Variants in CDH20 observed in about 807,000 individuals in gnomAD.
CDH20 encodes cadherin 20.
A neutral mutation model predicts 74.2 loss-of-function variants in CDH20; 29 were observed. The ratio of observed to expected loss-of-function variants is 0.39; its 90% CI spans 0.29 to 0.53. The LOEUF (loss-of-function observed/expected upper bound fraction) is 0.53. CDH20 is among the 20% of genes least tolerant of loss of function. The pLI is 0.69. For missense variants in CDH20, 988 were observed against 1,048.3 expected (o/e 0.94, Z 0.79); for synonymous variants, 469 against 405.4 (o/e 1.16, Z -1.88).
intron 11 of CDH20, among the ~76,000 whole-genome samples, chr18:61,550,985 G>C (rs975985650): frequency 2.0e-5 from 3 of 152,176 alleles, no homozygotes; most frequent in Non-Finnish European, 4.4e-5. Context: ...CATCTAACCA[G>C]GAACAGTGAC....
In CDH20 at chr18:61,499,441, G is replaced by T. The variant is rs780788767; in HGVS notation, c.502G>T (p.Gly168Ter). Reference sequence around the variant, plus strand: ...TGACAATGAGCCCAAGTTCCTGGACGGACCTTATGTGGCCACTGTGCCAGA... The same window carrying T: ...TGACAATGAGCCCAAGTTCCTGGACTGACCTTATGTGGCCACTGTGCCAGA... ...INDNEPKFLD[G>*]PYVATVPEMS... The change falls in exon 3 of 12, where the codon GGA becomes TGA. Residue 168 changes from glycine (G) to a stop codon, truncating the protein, a stop_gained. Transcript: ENST00000262717. LOFTEE classifies it high-confidence loss of function. 6.2e-7 allele frequency: 1 copy of T among 1,611,632 alleles called. No individual in the cohort carries two copies. Among genetic ancestry groups the T allele is most frequent in the Non-Finnish European group, 8.5e-7 (1 of 1,178,648 alleles).
chr18:61,396,781 G>A (rs1411278463), intron 1 of CDH20, among the ~76,000 whole-genome samples: 1 of 152,232 alleles, frequency 6.6e-6, no homozygotes, highest in Admixed American at 6.5e-5. Context: ...AGAGGTAGCA[G>A]GCAGTTAATC....
rs566527254 is a variant in CDH20 at position 61,419,311 on chromosome 18, A to G, written c.-152-71091A>G. 2.6e-5 allele frequency among the ~76,000 whole-genome samples: 4 copies of G among 152,232 alleles called. No individual in the cohort carries two copies. The East Asian group carries it at 7.7e-4, about 29-fold the overall frequency. On this transcript the variant is annotated intron_variant, in intron 1 of 11. Transcript: ENST00000262717. Reference sequence around the variant, plus strand: ...TAAACTCTTGGCCTCAAGCAATCCTACTGCCTCAGCCTCTCAAAGTGCTAG... The same window carrying G: ...TAAACTCTTGGCCTCAAGCAATCCTGCTGCCTCAGCCTCTCAAAGTGCTAG...
At chr18:61,507,646 T>C in intron 6 of CDH20, 86 bp downstream of exon 6, 1 of 904,338 alleles carries the variant, frequency 1.1e-6, no homozygotes, top group Non-Finnish European at 1.6e-6. Flanking sequence ...ATTATTGATA[T>C]GCATTGCTTC....
chr18:61,441,560 A>T (rs1909033386), intron 1 of CDH20, among the ~76,000 whole-genome samples: 1 of 152,186 alleles, frequency 6.6e-6, no homozygotes, highest in African/African-American at 2.4e-5. Flanking sequence ...AATAAATTAT[A>T]TTGAAGATAG....
chr18:61,380,060 C>A (rs1250904461), intron 1 of CDH20, among the ~76,000 whole-genome samples: 1 of 152,138 alleles, frequency 6.6e-6, no homozygotes, highest in African/African-American at 2.4e-5. Flanking sequence ...AGATCATTTG[C>A]TCTGACAAGA....
chr18:61,462,734 G>GGC (rs374318274), intron 1 of CDH20, among the ~76,000 whole-genome samples: 37 of 138,632 alleles, frequency 2.7e-4, no homozygotes, highest in South Asian at 9.9e-4. Context: ...AGGGGGGGGG[G>GGC]GCATCTAGGG....
chr18:61,555,230 G>A lies in CDH20; in HGVS notation c.*535G>A. 1.0e-6 allele frequency: 1 copy of A among 966,758 alleles called. No individual in the cohort carries two copies. Among genetic ancestry groups the A allele is most frequent in the Non-Finnish European group, 1.2e-6 (1 of 826,446 alleles). The allele number at this position is 966,758 out of a possible 1,614,324, so 59.9% of individuals were successfully genotyped here. On this transcript the variant is annotated 3_prime_UTR_variant, in exon 12 of 12. Coordinates refer to ENST00000262717, the MANE Select transcript of CDH20 (RefSeq NM_031891.4). ...TGTTCTGGGATGGATGGAATTTCCCGTAACCCTTTTGAGACAAGGTTAAGA... is the reference window on the plus strand; with the variant it reads ...TGTTCTGGGATGGATGGAATTTCCCATAACCCTTTTGAGACAAGGTTAAGA...
At chr18:61,354,309 A>G (rs1403714526) in intron 1 of CDH20, among the ~76,000 whole-genome samples, 2 of 152,098 alleles carry the variant, frequency 1.3e-5, no homozygotes, top group East Asian at 1.9e-4. Context: ...GCCTCTGGCA[A>G]ATTAAAACCC....
rs76001817 is a variant in CDH20, at chr18:61,429,240, A to G, written c.-152-61162A>G. On this transcript the variant is annotated intron_variant, in intron 1 of 11. Coordinates refer to ENST00000262717, the MANE Select transcript of CDH20 (RefSeq NM_031891.4). ...CTGGATTTTTAAAGTGCTAATTCAC[A>G]TGTCTTTAGACTTTTGTTTCTTAAT... 4.5e-4 allele frequency among the ~76,000 whole-genome samples: 69 copies of G among 152,342 alleles called. 1 individual carries two copies. The East Asian group carries it at 0.011, about 24-fold the overall frequency.
intron 1 of CDH20, among the ~76,000 whole-genome samples, chr18:61,488,142 A>G (rs1344588099): frequency 1.3e-5 from 2 of 152,000 alleles, no homozygotes; most frequent in East Asian, 3.9e-4. Context: ...AATCAACGCA[A>G]TCCGCAAAAT....
intron 1 of CDH20, among the ~76,000 whole-genome samples, chr18:61,453,106 T>A (rs1413905497): frequency 6.6e-6 from 1 of 151,948 alleles, no homozygotes; most frequent in Non-Finnish European, 1.5e-5. Flanking sequence ...TACAAAACAT[T>A]TCCATCACCA....
intron 6 of CDH20, among the ~76,000 whole-genome samples, chr18:61,519,235 A>G (rs144047602): frequency 0.037 from 5,581 of 151,324 alleles, 195 homozygotes; most frequent in South Asian, 0.055. Context: ...CAACCTAGCA[A>G]GATAGGCCAA....
chr18:61,482,683 C>T (rs192221287), intron 1 of CDH20, among the ~76,000 whole-genome samples: 37 of 151,972 alleles, frequency 2.4e-4, no homozygotes, highest in African/African-American at 7.7e-4. Flanking sequence ...TAAATAGAGA[C>T]GGGGTCTTGC....
intron 1 of CDH20, among the ~76,000 whole-genome samples, chr18:61,388,816 G>T (rs1177564674): frequency 6.6e-6 from 1 of 152,092 alleles, no homozygotes; most frequent in Non-Finnish European, 1.5e-5. Flanking sequence ...AAAGGACTGG[G>T]GCTTTCATCT....
At chr18:61,445,709 T>C (rs1479635984) in intron 1 of CDH20, among the ~76,000 whole-genome samples, 1 of 152,216 alleles carries the variant, frequency 6.6e-6, no homozygotes. Flanking sequence ...ATTCCAATTT[T>C]CTATTGCTAC....
chr18:61,427,539 C>G (rs924897123), intron 1 of CDH20, among the ~76,000 whole-genome samples: 1 of 152,188 alleles, frequency 6.6e-6, no homozygotes, highest in Non-Finnish European at 1.5e-5. Flanking sequence ...ACCAAAAAGT[C>G]AGAGCCTTTG....
At chr18:61,544,211 G>A (rs1419926627) in intron 9 of CDH20, among the ~76,000 whole-genome samples, 1 of 152,214 alleles carries the variant, frequency 6.6e-6, no homozygotes, top group African/African-American at 2.4e-5. Context: ...ACCCCTAGGG[G>A]AAGCATGCAG....
chr18:61,493,658 C>A (rs1911037085), intron 2 of CDH20, among the ~76,000 whole-genome samples: 1 of 152,218 alleles, frequency 6.6e-6, no homozygotes, highest in Admixed American at 6.5e-5. Flanking sequence ...AGGCCACATT[C>A]AAATTCCTCA....
Sources: gnomAD v4.1 joint callset for allele counts (sites outside exome capture counted in the v4.1 genomes callset) on GRCh38, gnomAD v4.1.1 for gene constraint, MANE v1.5 for transcripts, NCBI Gene and HGNC (gene_info 2026-07-23, HGNC 2026-07-21) for gene names.